L3MBTL3: variants seen among roughly 807,000 people sequenced by gnomAD.
L3MBTL3 encodes the protein L3MBTL histone methyl-lysine binding protein 3, also known as lethal(3)malignant brain tumor-like protein 3.
L3MBTL3 carries 27 observed loss-of-function variants against 102.3 expected under a neutral mutation model. That is an observed-to-expected ratio of 0.26 (90% confidence interval 0.19 to 0.36). The LOEUF (loss-of-function observed/expected upper bound fraction) is 0.36, where lower values mean the gene tolerates loss of function less well. Ranked by LOEUF, L3MBTL3 falls within the 10% of genes least tolerant of loss-of-function variation. The pLI is 1.00. For synonymous variants in L3MBTL3, 340 were observed against 320.9 expected (o/e 1.06, Z -0.64); for missense variants, 798 against 955.3 (o/e 0.84, Z 2.17).
chr6:130,120,935 T>C lies in L3MBTL3; in HGVS notation c.1943T>C (p.Met648Thr). Residue 648 changes from methionine to threonine, a missense_variant, in exon 20 of 23, where the codon ATG (methionine) becomes ACG (threonine). By Grantham distance (81) the Met-to-Thr change is moderately conservative. This residue lies in a region of L3MBTL3 where 306 missense variants were observed against 314.4 expected (regional missense o/e 0.97). Coordinates refer to ENST00000361794, the MANE Select transcript of L3MBTL3 (RefSeq NM_032438.4). ...TTTGAAGAGAGAACAGAAAGTGAAA[T>C]GAGAACATCACATGAAGCCAGAGGT... ...EDFEERTESEMRTSHEARGAR... is the reference protein window; with the variant it reads ...EDFEERTESETRTSHEARGAR... The C allele has an allele frequency of 6.2e-7, 1 of 1,612,380 alleles. No homozygotes were observed.
chr6:130,029,664 C>T (rs1040803196), intron 2 of L3MBTL3, among the ~76,000 whole-genome samples: 1 of 152,154 alleles, frequency 6.6e-6, no homozygotes, highest in Non-Finnish European at 1.5e-5. Context: ...TTCCTGTCCT[C>T]ATCTCTGGAC....
chr6:130,090,125 G>A (rs925185737), intron 16 of L3MBTL3, among the ~76,000 whole-genome samples: 3 of 151,876 alleles, frequency 2.0e-5, no homozygotes, highest in African/African-American at 4.8e-5. Context: ...ATTTTCTATG[G>A]GGTTTTGATT....
intron 10 of L3MBTL3, among the ~76,000 whole-genome samples, chr6:130,065,330 T>C (rs758512423): frequency 6.6e-6 from 1 of 152,222 alleles, no homozygotes; most frequent in Non-Finnish European, 1.5e-5. Flanking sequence ...TGTATATAAA[T>C]GCATATACTT....
In L3MBTL3 at chr6:130,086,263, T is replaced by G; in HGVS notation, c.1518+13T>G. 2 of 1,518,248 alleles carry G rather than the reference T, an allele frequency of 1.3e-6. No individual in the cohort carries two copies. The highest frequency in any genetic ancestry group is 4.5e-5 in the East Asian group (2 of 44,322). The allele number at this position is 1,518,248 out of a possible 1,614,324, so 94.0% of individuals were successfully genotyped here. On this transcript the variant is annotated intron_variant, in intron 16 of 22. Transcript: ENST00000361794. ...TCACCGGGTAAAAGTAAGTGTTCTG[T>G]GTGGGGGGTTGGCTTTGTCTTTTGT...
intron 6 of L3MBTL3, among the ~76,000 whole-genome samples, chr6:130,051,742 T>C (rs1332934143): frequency 2.0e-5 from 3 of 152,248 alleles, no homozygotes; most frequent in Admixed American, 1.3e-4. Context: ...CTGACATTTA[T>C]AGAAACATAG....
chr6:130,074,473 C>A (rs1053900771), intron 13 of L3MBTL3, among the ~76,000 whole-genome samples: 2 of 152,094 alleles, frequency 1.3e-5, no homozygotes, highest in African/African-American at 4.8e-5. Context: ...TAGAATATTG[C>A]CACTAGAAAG....
chr6:130,091,852 T>C (rs1198113001), intron 16 of L3MBTL3, among the ~76,000 whole-genome samples: 2 of 151,262 alleles, frequency 1.3e-5, no homozygotes, highest in East Asian at 3.9e-4. Context: ...TGCCAGAGCC[T>C]GAGAAGCATA....
chr6:130,092,246 G>A (rs1406586101), intron 16 of L3MBTL3, among the ~76,000 whole-genome samples: 1 of 152,102 alleles, frequency 6.6e-6, no homozygotes, highest in Non-Finnish European at 1.5e-5. Flanking sequence ...TTCGTAAATT[G>A]AATGTGTGTC....
At chr6:130,100,660 A>C (rs1784626212) in intron 18 of L3MBTL3, among the ~76,000 whole-genome samples, 1 of 152,084 alleles carries the variant, frequency 6.6e-6, no homozygotes. Flanking sequence ...AAAAAAAAAA[A>C]AGATATTTAA....
intron 20 of L3MBTL3, among the ~76,000 whole-genome samples, chr6:130,131,568 C>G (rs950072566): frequency 6.6e-6 from 1 of 152,120 alleles, no homozygotes; most frequent in African/African-American, 2.4e-5. Context: ...ATTCTTGGGT[C>G]TCGCGCAAGA....
chr6:130,100,193 G>A (rs1202403092), intron 18 of L3MBTL3, among the ~76,000 whole-genome samples: 2 of 152,168 alleles, frequency 1.3e-5, no homozygotes, highest in Non-Finnish European at 1.5e-5. Flanking sequence ...TTTGGCCTGG[G>A]TAATGCACTT....
At chr6:130,126,375 C>A (rs1786610546) in intron 20 of L3MBTL3, among the ~76,000 whole-genome samples, 1 of 152,132 alleles carries the variant, frequency 6.6e-6, no homozygotes, top group Admixed American at 6.5e-5. Context: ...CTGGGTCAGC[C>A]TACCACATGA....
chr6:130,089,165 C>A (rs968263568), intron 16 of L3MBTL3, among the ~76,000 whole-genome samples: 5 of 151,920 alleles, frequency 3.3e-5, no homozygotes, highest in Non-Finnish European at 7.4e-5. Flanking sequence ...TTACTGCAGC[C>A]ATTAACTCGT....
At chr6:130,131,473 CTT>C (rs1404256814) in intron 20 of L3MBTL3, among the ~76,000 whole-genome samples, 1 of 152,166 alleles carries the variant, frequency 6.6e-6, no homozygotes, top group Admixed American at 6.5e-5. Flanking sequence ...GAGTTTCACT[CTT>C]TGGTATATGT....
At chr6:130,106,009 G>A (rs1035862643) in intron 19 of L3MBTL3, among the ~76,000 whole-genome samples, 1 of 152,070 alleles carries the variant, frequency 6.6e-6, no homozygotes, top group South Asian at 2.1e-4. Context: ...GTTCACGTGT[G>A]GTCCTGGGCC....
intron 14 of L3MBTL3, among the ~76,000 whole-genome samples, chr6:130,081,388 T>C (rs951309093): frequency 6.6e-6 from 1 of 152,146 alleles, no homozygotes; most frequent in South Asian, 2.1e-4. Flanking sequence ...TGTCATAAAA[T>C]GTATACACAG....
chr6:130,067,921 T>G (rs904901456), intron 11 of L3MBTL3, among the ~76,000 whole-genome samples: 4 of 152,174 alleles, frequency 2.6e-5, no homozygotes, highest in African/African-American at 4.8e-5. Context: ...TTTCTATTAT[T>G]TCCACCTTTC....
chr6:130,072,592 A>G (rs778748573), intron 13 of L3MBTL3, among the ~76,000 whole-genome samples: 2 of 152,222 alleles, frequency 1.3e-5, no homozygotes, highest in Non-Finnish European at 1.5e-5. Context: ...AAGTAGAATA[A>G]TAGAGCAGCC....
chr6:130,080,583 C>T (rs899677158), intron 14 of L3MBTL3, among the ~76,000 whole-genome samples: 4 of 152,054 alleles, frequency 2.6e-5, no homozygotes, highest in East Asian at 1.9e-4. Flanking sequence ...TGGTGTAAGG[C>T]GTTATTGCCG....
Sources: gnomAD v4.1 joint callset for allele counts (sites outside exome capture counted in the v4.1 genomes callset) on GRCh38, gnomAD v4.1.1 for gene constraint, gnomAD v4.1.1 regional missense constraint, MANE v1.5 for transcripts, NCBI Gene and HGNC (gene_info 2026-07-23, HGNC 2026-07-21) for gene names.